The following TENM3 variants were observed in gnomAD, a reference collection of about 807,000 sequenced individuals.
The protein encoded by TENM3 is teneurin transmembrane protein 3, also known as teneurin-3.
In TENM3, 63 loss-of-function variants were observed where a neutral mutation model predicts 255.1. The observed-to-expected ratio is 0.25, with a 90% CI of 0.20 to 0.30. The LOEUF (loss-of-function observed/expected upper bound fraction) is 0.30. TENM3 is among the 10% of genes least tolerant of loss of function. The pLI is 1.00. For synonymous variants in TENM3, 1,306 were observed against 1,322.3 expected (o/e 0.99, Z 0.27); for missense variants, 2,929 against 3,461.1 (o/e 0.85, Z 3.86).
At chr4:182,651,304 A>G (rs1454040773) in intron 5 of TENM3, among the ~76,000 whole-genome samples, 7 of 152,208 alleles carry the variant, frequency 4.6e-5, no homozygotes, top group Admixed American at 4.6e-4. Context: ...ACACTATGCA[A>G]TTTAATGCAG....
chr4:181,813,546 A>T, the TENM3 span, among the ~76,000 whole-genome samples: 1 of 152,220 alleles, frequency 6.6e-6, no homozygotes, highest in South Asian at 2.1e-4. Context: ...GATCCAGCAT[A>T]CACAAATGAA....
chr4:181,598,972 CA>C, the TENM3 span, among the ~76,000 whole-genome samples: 1 of 152,086 alleles, frequency 6.6e-6, no homozygotes, highest in African/African-American at 2.4e-5. Flanking sequence ...TTGCCCTTTT[CA>C]AAAAATAGTG....
the TENM3 span, among the ~76,000 whole-genome samples, chr4:181,952,846 C>A: frequency 6.6e-6 from 1 of 152,258 alleles, no homozygotes; most frequent in Non-Finnish European, 1.5e-5. Context: ...AGAGCTGTCA[C>A]TGTTTTACAT....
the TENM3 span, among the ~76,000 whole-genome samples, chr4:181,589,261 C>A: frequency 4.6e-5 from 7 of 152,288 alleles, no homozygotes; most frequent in African/African-American, 1.7e-4. Context: ...CATGTAAACA[C>A]ATACGTTTTT....
At chr4:182,529,866 G>A (rs1466944279) in intron 3 of TENM3, among the ~76,000 whole-genome samples, 1 of 152,176 alleles carries the variant, frequency 6.6e-6, no homozygotes, top group Non-Finnish European at 1.5e-5. Flanking sequence ...GTAGACTTGT[G>A]TACACGTGCC....
At chr4:181,924,136 C>T in the TENM3 span, among the ~76,000 whole-genome samples, 17 of 152,108 alleles carry the variant, frequency 1.1e-4, no homozygotes, top group African/African-American at 4.1e-4. Context: ...GGACAAAGAG[C>T]TTGTTTTCTT....
chr4:181,940,817 G>C, the TENM3 span, among the ~76,000 whole-genome samples: 1 of 152,166 alleles, frequency 6.6e-6, no homozygotes, highest in Non-Finnish European at 1.5e-5. Flanking sequence ...GTTGGAAATA[G>C]GGTAGAATTA....
chr4:182,458,911 CG>C (rs1166491660), intron 3 of TENM3, among the ~76,000 whole-genome samples: 1 of 152,056 alleles, frequency 6.6e-6, no homozygotes, highest in African/African-American at 2.4e-5. Flanking sequence ...GGTATTTGGT[CG>C]TAATAGAGAT....
At chr4:181,694,875 T>A in the TENM3 span, among the ~76,000 whole-genome samples, 1 of 152,246 alleles carries the variant, frequency 6.6e-6, no homozygotes, top group South Asian at 2.1e-4. Flanking sequence ...AAGAAAATTA[T>A]CTATCCACTT....
chr4:181,725,151 T>A, the TENM3 span, among the ~76,000 whole-genome samples: 1 of 152,198 alleles, frequency 6.6e-6, no homozygotes, highest in Non-Finnish European at 1.5e-5. Context: ...GCGTTCAGCA[T>A]CCCTGGGCCT....
chr4:181,762,085 T>A, the TENM3 span, among the ~76,000 whole-genome samples: 30 of 152,152 alleles, frequency 2.0e-4, no homozygotes, highest in Non-Finnish European at 2.9e-5. Context: ...TCCGTCAATA[T>A]CATAGCTATT....
intron 3 of TENM3, among the ~76,000 whole-genome samples, chr4:182,401,029 G>A (rs1036758938): frequency 3.3e-5 from 5 of 152,186 alleles, no homozygotes; most frequent in Admixed American, 2.6e-4. Flanking sequence ...TGGCTGTAGC[G>A]ATGGAGAGAA....
At chr4:181,815,081 G>A in the TENM3 span, among the ~76,000 whole-genome samples, 1 of 152,138 alleles carries the variant, frequency 6.6e-6, no homozygotes, top group Non-Finnish European at 1.5e-5. Context: ...AATAAAGGAA[G>A]TGTAACAAGA....
intron 6 of TENM3, 50 bp from the exon 7 acceptor site, chr4:182,672,955 T>C (rs1194249682): frequency 3.7e-6 from 5 of 1,345,980 alleles, no homozygotes; most frequent in Non-Finnish European, 5.1e-6. Context: ...TTTTTTGTTT[T>C]GTTTTTTTAA....
At chr4:182,094,072 G>C in the TENM3 span, among the ~76,000 whole-genome samples, 1 of 152,034 alleles carries the variant, frequency 6.6e-6, no homozygotes, top group African/African-American at 2.4e-5. Context: ...GTGGGCAGTG[G>C]AGTCAACACT....
chr4:182,029,175 G>A, the TENM3 span, among the ~76,000 whole-genome samples: 1 of 151,968 alleles, frequency 6.6e-6, no homozygotes, highest in South Asian at 2.1e-4. Flanking sequence ...CACATCACAT[G>A]GCAAAAGCAG....
At chr4:181,624,112 T>C in the TENM3 span, among the ~76,000 whole-genome samples, 1 of 152,180 alleles carries the variant, frequency 6.6e-6, no homozygotes, top group Non-Finnish European at 1.5e-5. Context: ...TAGCGTCTAC[T>C]ATATGAACAT....
At chr4:182,063,133 A>G in the TENM3 span, among the ~76,000 whole-genome samples, 2 of 152,362 alleles carry the variant, frequency 1.3e-5, no homozygotes, top group South Asian at 2.1e-4. Context: ...TTCATTTTCA[A>G]TAACATCAGT....
chr4:181,499,723 A>G, the TENM3 span, among the ~76,000 whole-genome samples: 1 of 152,196 alleles, frequency 6.6e-6, no homozygotes, highest in Non-Finnish European at 1.5e-5. Flanking sequence ...ATGTGCCTGA[A>G]GCCATACAAT....
Sources: gnomAD v4.1 joint callset for allele counts (sites outside exome capture counted in the v4.1 genomes callset) on GRCh38, gnomAD v4.1.1 for gene constraint, MANE v1.5 for transcripts, NCBI Gene and HGNC (gene_info 2026-07-23, HGNC 2026-07-21) for gene names.